The following RIMS2 variants were observed in gnomAD, a reference collection of about 807,000 sequenced individuals.
RIMS2 encodes the protein regulating synaptic membrane exocytosis protein 2.
RIMS2 carries 59 observed loss-of-function variants against 174.4 expected under a neutral mutation model. The observed-to-expected ratio is 0.34, with a 90% CI of 0.27 to 0.42. RIMS2 has a LOEUF of 0.42. Among genes scored for constraint, RIMS2 ranks in the 10% least tolerant of loss-of-function variants. The probability of loss-of-function intolerance (pLI) is 1.00; values close to 1 mark genes in which losing one functional copy is unlikely to be tolerated. For synonymous variants in RIMS2, 606 were observed against 572.5 expected (o/e 1.06, Z -0.84); for missense variants, 1,620 against 1,666.3 (o/e 0.97, Z 0.48).
At chr8:104,148,688 CAT>C (rs771781507) in intron 19 of RIMS2, 3 of 1,598,280 alleles carry the variant, frequency 1.9e-6, no homozygotes, top group East Asian at 2.2e-5. Context: ...TCAGTGGAGA[CAT>C]GTGCTCACTG....
chr8:103,589,335 A>C (rs2094134476), intron 1 of RIMS2, among the ~76,000 whole-genome samples: 1 of 76 alleles, frequency 0.013, no homozygotes, highest in African/African-American at 0.071. Flanking sequence ...AAAGTGCTCT[A>C]TATCATGATA....
chr8:104,071,453 G>T (rs1314054978), intron 19 of RIMS2, among the ~76,000 whole-genome samples: 1 of 152,070 alleles, frequency 6.6e-6, no homozygotes, highest in East Asian at 1.9e-4. Flanking sequence ...GTTTGTTTTT[G>T]AGACAGAGTC....
chr8:103,811,857 G>A (rs951987980), intron 3 of RIMS2, among the ~76,000 whole-genome samples: 1 of 152,238 alleles, frequency 6.6e-6, no homozygotes, highest in Non-Finnish European at 1.5e-5. Flanking sequence ...CCAAAGCACA[G>A]TAGGATTAGC....
chr8:103,789,833 G>A (rs1396521287), intron 3 of RIMS2, among the ~76,000 whole-genome samples: 2 of 142,758 alleles, frequency 1.4e-5, no homozygotes, highest in East Asian at 2.1e-4. Flanking sequence ...GCTCACAGCA[G>A]CCTCAACCTC....
intron 1 of RIMS2, among the ~76,000 whole-genome samples, chr8:103,505,145 G>T (rs780991055): frequency 1.3e-5 from 2 of 151,934 alleles, no homozygotes; most frequent in South Asian, 4.1e-4. Flanking sequence ...TGAGCAACCC[G>T]CAGCCCCCAA....
At chr8:104,249,912 G>A (rs191668555) in intron 22 of RIMS2, among the ~76,000 whole-genome samples, 1 of 152,244 alleles carries the variant, frequency 6.6e-6, no homozygotes, top group East Asian at 1.9e-4. Flanking sequence ...CTAGTCTTTT[G>A]TGTTATTCTT....
chr8:103,514,900 A>C (rs529942708), intron 1 of RIMS2, among the ~76,000 whole-genome samples: 3 of 149,924 alleles, frequency 2.0e-5, no homozygotes, highest in East Asian at 1.9e-4. Flanking sequence ...TCTGTCTCAA[A>C]AACAACAACA....
intron 19 of RIMS2, among the ~76,000 whole-genome samples, chr8:104,135,020 T>C (rs1006060252): frequency 6.6e-6 from 1 of 152,194 alleles, no homozygotes; most frequent in African/African-American, 2.4e-5. Context: ...AAAAAAAATT[T>C]GAAATTCATG....
chr8:104,234,049 C>A (rs1046206044), intron 19 of RIMS2, among the ~76,000 whole-genome samples: 4 of 152,054 alleles, frequency 2.6e-5, no homozygotes, highest in African/African-American at 4.8e-5. Context: ...ATGATAATTT[C>A]ATATGTTATT....
intron 1 of RIMS2, among the ~76,000 whole-genome samples, chr8:103,581,324 A>T (rs1347019928): frequency 6.6e-6 from 1 of 152,236 alleles, no homozygotes; most frequent in East Asian, 1.9e-4. Context: ...GCATGGGCCA[A>T]CATATGTAAA....
rs1991281 is a variant in RIMS2, at chr8:103,619,357, C to G, written c.177-77729C>G. ...TGGTTGAGGGAGAGTAGTTGTACATCAAAGAATCATGAAAATATACTTAAA... is the reference window on the plus strand; with the variant it reads ...TGGTTGAGGGAGAGTAGTTGTACATGAAAGAATCATGAAAATATACTTAAA... On this transcript the variant is annotated intron_variant, in intron 1 of 23. Transcript: ENST00000504942. 7.9e-3 allele frequency among the ~76,000 whole-genome samples: 1,201 copies of G among 151,810 alleles called. 13 individuals carry two copies. Among genetic ancestry groups the G allele is most frequent in the African/African-American group, 0.017 (718 of 41,416 alleles).
At chr8:103,633,465 TCATGTTCATCAACA>T (rs1424227012) in intron 1 of RIMS2, among the ~76,000 whole-genome samples, 23 of 152,288 alleles carry the variant, frequency 1.5e-4, no homozygotes, top group African/African-American at 5.1e-4. Context: ...GATTTTTATA[TCATGTTCATCAACA>T]ATTTTGGCCT....
At chr8:104,173,584 T>A (rs1194623113) in intron 19 of RIMS2, among the ~76,000 whole-genome samples, 1 of 150,488 alleles carries the variant, frequency 6.6e-6, no homozygotes, top group East Asian at 1.9e-4. Context: ...TATTGCTTTC[T>A]TAAAATATTT....
At chr8:103,587,056 A>T (rs1409522675) in intron 1 of RIMS2, among the ~76,000 whole-genome samples, 1 of 151,960 alleles carries the variant, frequency 6.6e-6, no homozygotes, top group African/African-American at 2.4e-5. Context: ...AAAAAACAAG[A>T]TCCATTTATC....
chr8:104,141,352 T>G lies in RIMS2; in HGVS notation c.3335-103564T>G, dbSNP rs140105818. ...GTAAAGGTTCAATATATAGACAGAC[T>G]AAAGAGTTTAAATAAACTTTTTGTG... On this transcript the variant is annotated intron_variant, in intron 19 of 23. Coordinates refer to ENST00000504942, the Ensembl canonical transcript of RIMS2. Among the ~76,000 whole-genome samples, 264 of 152,296 alleles carry G rather than the reference T, an allele frequency of 1.7e-3. 2 individuals are homozygous for G. The highest frequency in any genetic ancestry group is 0.012 in the Admixed American group (186 of 15,294).
At chr8:103,793,942 C>A (rs999366487) in intron 3 of RIMS2, among the ~76,000 whole-genome samples, 1 of 152,118 alleles carries the variant, frequency 6.6e-6, no homozygotes, top group Admixed American at 6.5e-5. Context: ...AGGACATAAA[C>A]AAATGAAAGA....
At chr8:103,837,760 A>G (rs571550283) in intron 3 of RIMS2, among the ~76,000 whole-genome samples, 33 of 151,674 alleles carry the variant, frequency 2.2e-4, no homozygotes, top group Non-Finnish European at 3.8e-4. Flanking sequence ...CCAGTCTATC[A>G]TTGTTGGACA....
At chr8:103,608,830 A>G (rs938970103) in intron 1 of RIMS2, among the ~76,000 whole-genome samples, 2 of 152,214 alleles carry the variant, frequency 1.3e-5, no homozygotes, top group Non-Finnish European at 1.5e-5. Flanking sequence ...AAGTGAGGCA[A>G]TGCCTCGCCC....
intron 14 of RIMS2, among the ~76,000 whole-genome samples, chr8:103,949,196 G>T (rs2084702400): frequency 6.7e-6 from 1 of 148,598 alleles, no homozygotes; most frequent in Non-Finnish European, 1.5e-5. Flanking sequence ...GAAGAGAAGA[G>T]AAAAGAAAAT....
Sources: allele counts gnomAD v4.1 joint callset (sites outside exome capture counted in the v4.1 genomes callset), GRCh38; gene constraint gnomAD v4.1.1; transcripts MANE v1.5; gene names NCBI Gene and HGNC (gene_info 2026-07-23, HGNC 2026-07-21).